The following CPVL variants were observed in gnomAD, a reference collection of about 807,000 sequenced individuals.
The protein encoded by CPVL is probable serine carboxypeptidase CPVL.
CPVL carries 51 observed loss-of-function variants against 63.7 expected under a neutral mutation model. The ratio of observed to expected loss-of-function variants is 0.80; its 90% CI spans 0.64 to 1.01. CPVL has a LOEUF of 1.01. CPVL is among the 50% of genes least tolerant of loss of function. CPVL has a pLI of 0.00. For missense variants in CPVL, 530 were observed against 573.1 expected, an observed-to-expected ratio of 0.92 and a Z score of 0.77; for synonymous variants, 195 against 206.0, an observed-to-expected ratio of 0.95 and a Z score of 0.46.
Position 29,146,434 on chromosome 7 carries a change from G to C in CPVL, c.-16C>G. 1 of 1,197,534 alleles carries C rather than the reference G, an allele frequency of 8.4e-7. No homozygotes were observed. Among genetic ancestry groups the C allele is most frequent in the East Asian group, 2.6e-5 (1 of 37,874 alleles). 74.2% of individuals were successfully genotyped at this position (1,197,534 alleles called of 1,614,324 possible). A position where few individuals can be genotyped will look rare whatever the true frequency, so the allele number is the denominator to read the frequency against. ...GCAGGGCAGGCGGCACTTACGCGGCGCAGTCGGTGCTCCTCCCTGAGCCGC... is the reference window on the plus strand; with the variant it reads ...GCAGGGCAGGCGGCACTTACGCGGCCCAGTCGGTGCTCCTCCCTGAGCCGC... On this transcript the variant is annotated 5_prime_UTR_variant, in exon 1 of 13. Transcript: ENST00000265394.
Position 29,022,506 on chromosome 7 carries a change from G to A in CPVL, c.1320+8071C>T, listed in dbSNP as rs148603885. Reference sequence around the variant, plus strand: ...CCACATATGCCATCTAGAGGCCTAAGCATAGGCCTGCCTCTGCACTGCCTT... The same window carrying A: ...CCACATATGCCATCTAGAGGCCTAAACATAGGCCTGCCTCTGCACTGCCTT... On this transcript the variant is annotated intron_variant, in intron 12 of 12. Coordinates refer to ENST00000265394, the MANE Select transcript of CPVL (RefSeq NM_031311.5). Among the ~76,000 whole-genome samples the A allele has an allele frequency of 5.1e-3, 780 of 152,252 alleles. 7 individuals carry two copies. The highest frequency in any genetic ancestry group is 8.9e-3 in the Admixed American group (136 of 15,302).
intron 5 of CPVL, among the ~76,000 whole-genome samples, chr7:29,178,975 G>T (rs1163334294): frequency 2.6e-5 from 4 of 152,126 alleles, no homozygotes; most frequent in Non-Finnish European, 5.9e-5. Flanking sequence ...CCACCTACCA[G>T]AGCTAACCAG....
Position 29,021,939 on chromosome 7 carries a change from C to A in CPVL, c.1320+8638G>T, listed in dbSNP as rs903921365. ...GCTGGAGCCAGCAGTGCAGATGCGTCCCCAAAACTTTAGCTCATGCAATGT... is the reference window on the plus strand; with the variant it reads ...GCTGGAGCCAGCAGTGCAGATGCGTACCCAAAACTTTAGCTCATGCAATGT... On this transcript the variant is annotated intron_variant, in intron 12 of 12. Transcript: ENST00000265394. Among the ~76,000 whole-genome samples the A allele has an allele frequency of 1.3e-4, 20 of 152,118 alleles. 1 individual carries two copies. Among genetic ancestry groups the A allele is most frequent in the Admixed American group, 6.5e-5 (1 of 15,280 alleles).
upstream of CPVL, chr7:29,146,880 G>A: frequency 6.4e-7 from 1 of 1,551,148 alleles, no homozygotes. Flanking sequence ...TTTACATTTG[G>A]AAAGCGAGTG....
intron 12 of CPVL, among the ~76,000 whole-genome samples, chr7:28,998,685 A>G (rs1033364659): frequency 3.9e-5 from 6 of 152,154 alleles, no homozygotes; most frequent in Admixed American, 2.0e-4. Flanking sequence ...CAAAATGCCT[A>G]TATCAGGAGG....
intron 11 of CPVL, among the ~76,000 whole-genome samples, chr7:29,054,839 C>T (rs1790543858): frequency 6.6e-6 from 1 of 152,160 alleles, no homozygotes. Context: ...TTCTTCAGAT[C>T]TATCTTCTGA....
At chr7:29,106,108 G>A (rs944360112) in intron 3 of CPVL, among the ~76,000 whole-genome samples, 5 of 152,116 alleles carry the variant, frequency 3.3e-5, no homozygotes, top group Non-Finnish European at 4.4e-5. Flanking sequence ...AACCATCCTT[G>A]GGTAAATAGG....
chr7:29,121,138 C>A, intron 1 of CPVL, 67 bp from the exon 2 acceptor site: 1 of 1,385,056 alleles, frequency 7.2e-7, no homozygotes, highest in Non-Finnish European at 9.6e-7. Flanking sequence ...CTTTTACATG[C>A]AAGAAATTCA....
At chr7:29,095,788 C>A (rs1294782230) in intron 4 of CPVL, among the ~76,000 whole-genome samples, 3 of 152,080 alleles carry the variant, frequency 2.0e-5, no homozygotes, top group Non-Finnish European at 4.4e-5. Flanking sequence ...ACCCATTAGT[C>A]CACTGCAAAG....
At chr7:29,058,824 TTTTC>T (rs1165324550) in intron 11 of CPVL, among the ~76,000 whole-genome samples, 2 of 152,090 alleles carry the variant, frequency 1.3e-5, no homozygotes, top group Non-Finnish European at 2.9e-5. Context: ...TTGAGACTTT[TTTTC>T]TTTATCTTTG....
At chr7:29,112,890 A>C (rs1348156720) in intron 2 of CPVL, 68 bp from the exon 3 acceptor site, 6 of 1,069,182 alleles carry the variant, frequency 5.6e-6, no homozygotes, top group African/African-American at 3.1e-5. Flanking sequence ...TGAGCCATCT[A>C]TCTCAGTCTG....
chr7:29,066,364 G>A (rs1395654366), intron 9 of CPVL, among the ~76,000 whole-genome samples: 2 of 152,150 alleles, frequency 1.3e-5, no homozygotes, highest in Non-Finnish European at 2.9e-5. Context: ...GGGACAACAA[G>A]CATTTCTAAG....
At chr7:29,115,940 G>A (rs1788735468) in intron 2 of CPVL, among the ~76,000 whole-genome samples, 1 of 152,148 alleles carries the variant, frequency 6.6e-6, no homozygotes, top group African/African-American at 2.4e-5. Context: ...GGATGCCAAA[G>A]TAGCTTCTCT....
rs187723667 is a variant in CPVL at position 29,071,232 on chromosome 7, G to T, written c.864+541C>A. The stretch of plus-strand genomic sequence containing the variant: ...ATTGATTCTCAAGTTTAATTTTAGG[G>T]GAGCAATGAAAGGATATGCACAAAT... On this transcript the variant is annotated intron_variant, in intron 9 of 12. Coordinates refer to ENST00000265394, the MANE Select transcript of CPVL (RefSeq NM_031311.5). Among the ~76,000 whole-genome samples the T allele has an allele frequency of 8.4e-4, 128 of 152,308 alleles. 1 individual carries two copies. The highest frequency in any genetic ancestry group is 3.4e-3 in the Middle Eastern group (1 of 294).
chr7:29,104,750 G>A (rs973156246), intron 3 of CPVL, among the ~76,000 whole-genome samples: 1 of 152,146 alleles, frequency 6.6e-6, no homozygotes, highest in African/African-American at 2.4e-5. Flanking sequence ...TGTGCCTCCT[G>A]CCAGAAAGTT....
At chr7:29,001,215 T>C (rs1046434838) in intron 12 of CPVL, 1 of 152,182 alleles carries the variant, frequency 6.6e-6, no homozygotes, top group Admixed American at 6.5e-5. Flanking sequence ...GCTTCTGACA[T>C]GGGCAGATTT....
intron 11 of CPVL, among the ~76,000 whole-genome samples, chr7:29,057,007 G>T (rs1273653816): frequency 6.8e-6 from 1 of 146,990 alleles, no homozygotes; most frequent in Non-Finnish European, 1.5e-5. Flanking sequence ...CTAGAGTACG[G>T]TGGCACAGTC....
chr7:29,150,293 G>A (rs1230238969), upstream of CPVL, among the ~76,000 whole-genome samples: 1 of 152,100 alleles, frequency 6.6e-6, no homozygotes, highest in Admixed American at 6.5e-5. Flanking sequence ...GCTATCTTGC[G>A]GTATTATCAA....
intron 3 of CPVL, among the ~76,000 whole-genome samples, chr7:29,098,446 G>A (rs532379154): frequency 3.9e-5 from 6 of 152,280 alleles, no homozygotes; most frequent in East Asian, 1.9e-4. Context: ...GCCACCTCTC[G>A]GGCTCATTCT....
Sources: allele counts gnomAD v4.1 joint callset (sites outside exome capture counted in the v4.1 genomes callset), GRCh38; gene constraint gnomAD v4.1.1; transcripts MANE v1.5; gene names NCBI Gene and HGNC (gene_info 2026-07-23, HGNC 2026-07-21).